The following ZNF143 variants were observed in gnomAD, a reference collection of about 807,000 sequenced individuals.
ZNF143 encodes zinc finger protein 143.
In ZNF143, 49 loss-of-function variants were observed where a neutral mutation model predicts 74.1. The ratio of observed to expected loss-of-function variants is 0.66; its 90% CI spans 0.53 to 0.84. ZNF143 has a LOEUF of 0.84. Among genes scored for constraint, ZNF143 ranks in the 40% least tolerant of loss-of-function variants. The probability of loss-of-function intolerance (pLI) is 0.00; values close to 1 mark genes in which losing one functional copy is unlikely to be tolerated. For synonymous variants in ZNF143, 304 were observed against 282.8 expected (o/e 1.07, Z -0.75); for missense variants, 637 against 793.4 (o/e 0.80, Z 2.37).
intron 7 of ZNF143, among the ~76,000 whole-genome samples, chr11:9,482,231 A>G (rs12287703): frequency 0.061 from 7,539 of 122,674 alleles, 290 homozygotes; most frequent in South Asian, 0.086. Flanking sequence ...TGGCTTCCCA[A>G]AGTGCTGGGA....
At chr11:9,510,111 T>A (rs1848487951) in intron 12 of ZNF143, among the ~76,000 whole-genome samples, 1 of 151,748 alleles carries the variant, frequency 6.6e-6, no homozygotes, top group African/African-American at 2.4e-5. Flanking sequence ...TATCAGAAGT[T>A]CCTATATTCT....
intron 3 of ZNF143, 44 bp downstream of exon 3, chr11:9,472,813 A>G: frequency 6.9e-7 from 1 of 1,441,068 alleles, no homozygotes; most frequent in Non-Finnish European, 9.3e-7. Flanking sequence ...CCAGTGATTT[A>G]TAACCTGTGA....
At chr11:9,481,196 C>T (rs958458567) in intron 7 of ZNF143, among the ~76,000 whole-genome samples, 3 of 151,916 alleles carry the variant, frequency 2.0e-5, no homozygotes, top group Admixed American at 6.6e-5. Context: ...GAGACCAGCC[C>T]GGGCAACAAA....
intron 1 of ZNF143, among the ~76,000 whole-genome samples, chr11:9,464,871 C>T (rs192930537): frequency 7.9e-5 from 12 of 151,858 alleles, no homozygotes; most frequent in East Asian, 5.8e-4. Context: ...TGCAGTGAGA[C>T]GAGATCGCGT....
Position 9,528,012 on chromosome 11 carries a change from T to A in ZNF143, c.*399T>A, listed in dbSNP as rs1284245457. The A allele has an allele frequency of 6.4e-6, 1 of 157,286 alleles. No homozygotes were observed. Among genetic ancestry groups the A allele is most frequent in the Non-Finnish European group, 1.4e-5 (1 of 71,070 alleles). 9.7% of individuals were successfully genotyped at this position (157,286 alleles called of 1,614,324 possible). On this transcript the variant is annotated 3_prime_UTR_variant, in exon 16 of 16. Transcript: ENST00000396602. ...GGTTCTATATGTCACACAATCGTAA[T>A]TCCAAAAGCCATTATGGATAATAAA...
chr11:9,512,363 A>G (rs1395708307), intron 12 of ZNF143, 85 bp from the exon 13 acceptor site: 2 of 1,494,510 alleles, frequency 1.3e-6, no homozygotes, highest in Non-Finnish European at 9.1e-7. Context: ...TTAATTATGT[A>G]ATTTTCTCTT....
At chr11:9,513,577 C>T (rs915668634) in intron 13 of ZNF143, among the ~76,000 whole-genome samples, 1 of 148,366 alleles carries the variant, frequency 6.7e-6, no homozygotes, top group Non-Finnish European at 1.5e-5. Context: ...CTGAGAAACC[C>T]CCAGTGATTA....
At chr11:9,468,289 G>C (rs1856366134) in intron 1 of ZNF143, among the ~76,000 whole-genome samples, 1 of 152,158 alleles carries the variant, frequency 6.6e-6, no homozygotes, top group South Asian at 2.1e-4. Context: ...CCAAAATGGG[G>C]ATACCTAATG....
intron 11 of ZNF143, among the ~76,000 whole-genome samples, chr11:9,507,725 A>G (rs1848412751): frequency 6.6e-6 from 1 of 152,132 alleles, no homozygotes; most frequent in African/African-American, 2.4e-5. Flanking sequence ...CACTGTCTAG[A>G]TATTTTGTGA....
chr11:9,474,408 G>T, intron 4 of ZNF143, 142 bp from the exon 5 acceptor site: 1 of 806,000 alleles, frequency 1.2e-6, no homozygotes, highest in South Asian at 1.8e-5. Flanking sequence ...AAGCTTTACT[G>T]AACTTACTTA....
chr11:9,484,853 A>G (rs1847403544), intron 7 of ZNF143, among the ~76,000 whole-genome samples: 1 of 125,326 alleles, frequency 8.0e-6, no homozygotes, highest in Admixed American at 9.7e-5. Context: ...GCTGGAGTGC[A>G]GTGGCGCGAT....
chr11:9,475,904 AT>A (rs1856851679), intron 5 of ZNF143, among the ~76,000 whole-genome samples: 2 of 41,648 alleles, frequency 4.8e-5, no homozygotes, highest in African/African-American at 8.9e-5. Context: ...TCTCAAAAAA[AT>A]ATATATGTGT....
rs61636956 is a variant in ZNF143 at position 9,475,910 on chromosome 11, A to ATGTGTGTGTGTG, written c.373+1311_373+1322dup. ...GAGACCCTGTCTCAAAAAAATATAT[A>ATGTGTGTGTGTG]TGTGTGTGTGTGTGTGTGTGTGTGT... On this transcript the variant is annotated intron_variant, in intron 5 of 15. Coordinates refer to ENST00000396602, the MANE Select transcript of ZNF143 (RefSeq NM_003442.6). Among the ~76,000 whole-genome samples, 362 of 137,362 alleles carry ATGTGTGTGTGTG rather than the reference A, an allele frequency of 2.6e-3. 2 individuals carry two copies. Among genetic ancestry groups the ATGTGTGTGTGTG allele is most frequent in the African/African-American group, 5.5e-3 (201 of 36,258 alleles). The allele number at this position is 137,362 out of a possible 152,430, so 90.1% of individuals were successfully genotyped here. A position where few individuals can be genotyped will look rare whatever the true frequency, so the allele number is the denominator to read the frequency against.
intron 15 of ZNF143, among the ~76,000 whole-genome samples, chr11:9,526,247 A>G (rs1002855225): frequency 6.6e-6 from 1 of 151,698 alleles, no homozygotes; most frequent in Non-Finnish European, 1.5e-5. Flanking sequence ...CCAGCTACTC[A>G]GGTGGCTGAG....
At chr11:9,470,768 A>G (rs1469445283) in intron 1 of ZNF143, among the ~76,000 whole-genome samples, 2 of 152,150 alleles carry the variant, frequency 1.3e-5, no homozygotes, top group Non-Finnish European at 2.9e-5. Context: ...TTTTCCCTTC[A>G]AAGGACACTG....
At chr11:9,475,008 T>C (rs1001114563) in intron 5 of ZNF143, among the ~76,000 whole-genome samples, 1 of 152,110 alleles carries the variant, frequency 6.6e-6, no homozygotes, top group Non-Finnish European at 1.5e-5. Context: ...TGCCTCAGCC[T>C]CCTGAATAGC....
chr11:9,515,304 A>G (rs1848683573), intron 13 of ZNF143, among the ~76,000 whole-genome samples: 1 of 152,112 alleles, frequency 6.6e-6, no homozygotes, highest in Admixed American at 6.6e-5. Context: ...AGATGGGAGA[A>G]AAATAAGGAT....
At position 9,528,093 on chromosome 11, in the gene ZNF143, C is replaced by T. The variant is rs1057151390; in HGVS notation, c.*480C>T. The T allele has an allele frequency of 6.5e-6, 1 of 152,730 alleles. No individual in the cohort carries two copies. Among genetic ancestry groups the T allele is most frequent in the Non-Finnish European group, 1.5e-5 (1 of 68,162 alleles). 9.5% of individuals were successfully genotyped at this position (152,730 alleles called of 1,614,324 possible). On this transcript the variant is annotated 3_prime_UTR_variant, in exon 16 of 16. Coordinates refer to ENST00000396602, the MANE Select transcript of ZNF143 (RefSeq NM_003442.6). ...TAGTAGAGTGTCTGCGGTTTTTGTT[C>T]TACTATATGCTTGTCCATTTTTATT... is the stretch of plus-strand genomic sequence containing the variant.
At chr11:9,493,160 C>T (rs1215767513) in intron 7 of ZNF143, among the ~76,000 whole-genome samples, 1 of 151,082 alleles carries the variant, frequency 6.6e-6, no homozygotes, top group Non-Finnish European at 1.5e-5. Flanking sequence ...ACCTCCGCCT[C>T]CCAGGTTCAA....
Sources: allele counts gnomAD v4.1 joint callset (sites outside exome capture counted in the v4.1 genomes callset), GRCh38; gene constraint gnomAD v4.1.1; transcripts MANE v1.5; gene names NCBI Gene and HGNC (gene_info 2026-07-23, HGNC 2026-07-21).